Variants in PRR16 observed in about 807,000 individuals in gnomAD.
PRR16 encodes the protein protein Largen.
Under a neutral mutation model 18.2 loss-of-function variants are expected in PRR16, and 6 were observed. That is an observed-to-expected ratio of 0.33 (90% confidence interval 0.18 to 0.65). The LOEUF (loss-of-function observed/expected upper bound fraction) is 0.65, where lower values mean the gene tolerates loss of function less well. PRR16 is among the 30% of genes least tolerant of loss of function. The pLI is 0.74. For missense variants in PRR16, 412 were observed against 376.6 expected (o/e 1.09, Z -0.78); for synonymous variants, 151 against 147.8 (o/e 1.02, Z -0.16).
At chr5:120,515,482 G>A (rs1050781620) in intron 1 of PRR16, among the ~76,000 whole-genome samples, 5 of 152,068 alleles carry the variant, frequency 3.3e-5, no homozygotes, top group Non-Finnish European at 5.9e-5. Flanking sequence ...TAATAATAAT[G>A]ATATAAACTG....
At chr5:120,610,754 A>G (rs957482795) in intron 1 of PRR16, among the ~76,000 whole-genome samples, 3 of 152,110 alleles carry the variant, frequency 2.0e-5, no homozygotes, top group Non-Finnish European at 4.4e-5. Context: ...AGTGTTGGCT[A>G]TGTCTTTATC....
chr5:120,649,857 T>A (rs1329306943), intron 1 of PRR16, among the ~76,000 whole-genome samples: 1 of 152,124 alleles, frequency 6.6e-6, no homozygotes. Context: ...TTAAATTATA[T>A]AACTTATATT....
chr5:120,587,937 C>T (rs998897350), intron 1 of PRR16, among the ~76,000 whole-genome samples: 2 of 152,232 alleles, frequency 1.3e-5, no homozygotes, highest in South Asian at 2.1e-4. Flanking sequence ...CCATTAAGAA[C>T]GTTTGTGATT....
At chr5:120,484,837 A>G (rs1306425180) in intron 1 of PRR16, among the ~76,000 whole-genome samples, 1 of 151,168 alleles carries the variant, frequency 6.6e-6, no homozygotes, top group Non-Finnish European at 1.5e-5. Flanking sequence ...TGATGGAATA[A>G]TTAGGAAGTT....
chr5:120,489,221 C>T (rs1218141848), intron 1 of PRR16, among the ~76,000 whole-genome samples: 1 of 152,084 alleles, frequency 6.6e-6, no homozygotes, highest in Non-Finnish European at 1.5e-5. Flanking sequence ...AACTTTCTGT[C>T]TTGTTGATCT....
At position 120,686,480 on chromosome 5, in the gene PRR16, G is replaced by A. The variant is rs1424260254; in HGVS notation, c.686G>A (p.Arg229Lys). 1 of 1,614,030 alleles carries A rather than the reference G, an allele frequency of 6.2e-7. No individual in the cohort carries two copies. The change falls in exon 2 of 2, where the codon AGG becomes AAG. Residue 229 changes from arginine (R) to lysine (K), a missense_variant. Physicochemically the swap from Arg to Lys is conservative, Grantham distance 26 (BLOSUM62 2). Coordinates refer to ENST00000407149, the MANE Select transcript of PRR16 (RefSeq NM_001300783.2). Reference sequence around the variant, plus strand: ...GATACCCGGTATAACATAAAAAACAGGGAGGTCCACTTACACAGTGAACCT... The same window carrying A: ...GATACCCGGTATAACATAAAAAACAAGGAGGTCCACTTACACAGTGAACCT... Reference protein sequence around the residue: ...DCDTRYNIKNREVHLHSEPVH... With the variant: ...DCDTRYNIKNKEVHLHSEPVH...
rs890136883 is a variant in PRR16 at position 120,615,020 on chromosome 5, T to G, written c.160-70934T>G. ...TGTCAGTAAAGATTCTGACATGCAT[T>G]GTTACTTCCCTATTCTGTTGACTGT... is the stretch of plus-strand genomic sequence containing the variant. On this transcript the variant is annotated intron_variant, in intron 1 of 1. Transcript: ENST00000407149. Among the ~76,000 whole-genome samples the G allele has an allele frequency of 2.0e-5, 3 of 150,974 alleles. No homozygotes were observed. The Admixed American group carries it at 2.0e-4, about 10-fold the overall frequency.
In PRR16 at chr5:120,686,518, G is replaced by T; in HGVS notation, c.724G>T (p.Gly242Ter). 1 of 1,613,630 alleles carries T rather than the reference G, an allele frequency of 6.2e-7. No individual in the cohort carries two copies. Among genetic ancestry groups the T allele is most frequent in the South Asian group, 1.1e-5 (1 of 91,056 alleles). ...HLHSEPVHPP[G>*]KIPHQGPPLP... is the part of the protein sequence containing the mutation. ...ACACAGTGAACCTGTCCACCCACCGGGAAAGATTCCTCACCAAGGCCCTCC... is the reference window on the plus strand; with the variant it reads ...ACACAGTGAACCTGTCCACCCACCGTGAAAGATTCCTCACCAAGGCCCTCC... The change falls in exon 2 of 2, where the codon GGA becomes TGA. Residue 242 changes from glycine to a stop codon, truncating the protein, a stop_gained. Coordinates refer to ENST00000407149, the MANE Select transcript of PRR16 (RefSeq NM_001300783.2). LOFTEE classifies it high-confidence loss of function.
chr5:120,785,575 G>GTTGTTTTTTTTTTTTTTTTTTTTTTT, the PRR16 span, among the ~76,000 whole-genome samples: 4 of 115,416 alleles, frequency 3.5e-5, no homozygotes, highest in African/African-American at 1.0e-4. Context: ...TGTTGTTGTT[G>GTTGTTTTTTTTTTTTTTTTTTTTTTT]TTTTTTTTTT....
Position 120,673,841 on chromosome 5 carries a change from A to G in PRR16, c.160-12113A>G, listed in dbSNP as rs143214869. ...ATGGTGGCACATGCCTGTAATCCCAACTACTCAGGAGGTTGAGGCAGGAGA... is the reference window on the plus strand; with the variant it reads ...ATGGTGGCACATGCCTGTAATCCCAGCTACTCAGGAGGTTGAGGCAGGAGA... On this transcript the variant is annotated intron_variant, in intron 1 of 1. Transcript: ENST00000407149. Among the ~76,000 whole-genome samples the G allele has an allele frequency of 9.7e-4, 147 of 151,916 alleles. 1 individual carries two copies. Among genetic ancestry groups the G allele is most frequent in the African/African-American group, 3.3e-3 (136 of 41,454 alleles).
At chr5:120,768,231 T>A in the PRR16 span, among the ~76,000 whole-genome samples, 8 of 151,874 alleles carry the variant, frequency 5.3e-5, no homozygotes, top group Non-Finnish European at 1.0e-4. Context: ...TATTCTTGTT[T>A]TCAGTGATTG....
the PRR16 span, among the ~76,000 whole-genome samples, chr5:120,694,564 G>C: frequency 6.6e-6 from 1 of 151,692 alleles, no homozygotes; most frequent in Non-Finnish European, 1.5e-5. Context: ...GGCGCCTGTA[G>C]TCCCAGCTAC....
chr5:120,558,148 C>T (rs1158065503), intron 1 of PRR16, among the ~76,000 whole-genome samples: 3 of 151,708 alleles, frequency 2.0e-5, no homozygotes, highest in African/African-American at 7.3e-5. Context: ...ACAAATAATC[C>T]AATTATACTC....
At chr5:120,762,856 C>T in the PRR16 span, among the ~76,000 whole-genome samples, 6 of 152,056 alleles carry the variant, frequency 3.9e-5, no homozygotes, top group Non-Finnish European at 8.8e-5. Flanking sequence ...TTTGCCAATA[C>T]GAATGTCGTT....
intron 1 of PRR16, among the ~76,000 whole-genome samples, chr5:120,471,156 T>C (rs765989009): frequency 5.1e-4 from 78 of 152,152 alleles, no homozygotes; most frequent in Non-Finnish European, 9.7e-4. Flanking sequence ...GAAAACAGTA[T>C]TGAGACAAAA....
At chr5:120,674,021 A>T (rs1561608990) in intron 1 of PRR16, among the ~76,000 whole-genome samples, 3 of 151,504 alleles carry the variant, frequency 2.0e-5, no homozygotes, top group African/African-American at 4.9e-5. Flanking sequence ...TACTTCCTAC[A>T]TTTTTTTTAT....
chr5:120,641,771 G>A (rs368021162), intron 1 of PRR16, among the ~76,000 whole-genome samples: 24 of 152,162 alleles, frequency 1.6e-4, no homozygotes, highest in East Asian at 1.4e-3. Flanking sequence ...TTCACCCTCC[G>A]TCTGCAGAGA....
In PRR16 at chr5:120,687,221, G is replaced by T. The variant is rs1757154087; in HGVS notation, c.*512G>T. ...TTTATTTTCTATATTATACAATTATGAATTACATGCTCAGCTATATATGTA... is the reference window on the plus strand; with the variant it reads ...TTTATTTTCTATATTATACAATTATTAATTACATGCTCAGCTATATATGTA... On this transcript the variant is annotated 3_prime_UTR_variant, in exon 2 of 2. Coordinates refer to ENST00000407149, the MANE Select transcript of PRR16 (RefSeq NM_001300783.2). 1 of 152,112 alleles carries T rather than the reference G, an allele frequency of 6.6e-6. No individual in the cohort carries two copies. Among genetic ancestry groups the T allele is most frequent in the Non-Finnish European group, 1.5e-5 (1 of 68,042 alleles). 9.4% of individuals were successfully genotyped at this position (152,112 alleles called of 1,614,324 possible).
intron 1 of PRR16, among the ~76,000 whole-genome samples, chr5:120,594,943 T>C (rs988221701): frequency 6.6e-6 from 1 of 152,058 alleles, no homozygotes; most frequent in Admixed American, 6.6e-5. Flanking sequence ...TTACACCATA[T>C]ACAAAAATCA....
Sources: allele counts gnomAD v4.1 joint callset (sites outside exome capture counted in the v4.1 genomes callset), GRCh38; gene constraint gnomAD v4.1.1; transcripts MANE v1.5; gene names NCBI Gene and HGNC (gene_info 2026-07-23, HGNC 2026-07-21).